The following PARD3 variants were observed in gnomAD, a reference collection of about 807,000 sequenced individuals.
PARD3 encodes par-3 family cell polarity regulator.
Under a neutral mutation model 155.4 loss-of-function variants are expected in PARD3, and 75 were observed. The observed-to-expected ratio is 0.48, with a 90% CI of 0.40 to 0.58. PARD3 has a LOEUF of 0.58. Among genes scored for constraint, PARD3 ranks in the 20% least tolerant of loss-of-function variants. The probability of loss-of-function intolerance (pLI) is 0.00; values close to 1 mark genes in which losing one functional copy is unlikely to be tolerated. For synonymous variants in PARD3, 576 were observed against 610.5 expected, an observed-to-expected ratio of 0.94 and a Z score of 0.83; for missense variants, 1,642 against 1,721.7, an observed-to-expected ratio of 0.95 and a Z score of 0.82.
At chr10:34,746,780 T>C (rs1835385931) in intron 1 of PARD3, among the ~76,000 whole-genome samples, 1 of 152,238 alleles carries the variant, frequency 6.6e-6, no homozygotes, top group African/African-American at 2.4e-5. Flanking sequence ...TATTTGCTTC[T>C]ACTAATAAAT....
intron 20 of PARD3, among the ~76,000 whole-genome samples, chr10:34,292,677 G>C (rs549237467): frequency 6.6e-6 from 1 of 150,830 alleles, no homozygotes; most frequent in African/African-American, 2.4e-5. Context: ...AAATAAATTT[G>C]TATTGCTTGG....
chr10:34,184,698 G>GTA (rs1950408859), intron 22 of PARD3, among the ~76,000 whole-genome samples: 1 of 135,036 alleles, frequency 7.4e-6, no homozygotes, highest in East Asian at 2.2e-4. Flanking sequence ...AGGCCTTTCG[G>GTA]TTTTTTTTTT....
chr10:34,599,824 C>A (rs555459232), intron 2 of PARD3, among the ~76,000 whole-genome samples: 1 of 152,118 alleles, frequency 6.6e-6, no homozygotes, highest in Non-Finnish European at 1.5e-5. Context: ...CATATTAAAG[C>A]CATGTTTTAA....
At chr10:34,491,705 A>G (rs1478127574) in intron 3 of PARD3, among the ~76,000 whole-genome samples, 1 of 152,236 alleles carries the variant, frequency 6.6e-6, no homozygotes, top group Non-Finnish European at 1.5e-5. Flanking sequence ...AGAAAACCAA[A>G]CAAATGCTTG....
At chr10:34,344,082 T>C in intron 15 of PARD3, 1 of 960,182 alleles carries the variant, frequency 1.0e-6, no homozygotes, top group Non-Finnish European at 1.2e-6. Flanking sequence ...ACTACTGAGA[T>C]AAATTCTAAA....
At chr10:34,699,070 A>G (rs1430717400) in intron 1 of PARD3, among the ~76,000 whole-genome samples, 1 of 152,076 alleles carries the variant, frequency 6.6e-6, no homozygotes, top group East Asian at 1.9e-4. Flanking sequence ...TACTCTATAA[A>G]CTTGGCTTGT....
rs1276475435 is a variant in PARD3 at position 34,360,108 on chromosome 10, A to G, written c.1859T>C (p.Phe620Ser). ...SKENHADLGIFVKSIINGGAA... is the reference protein window; with the variant it reads ...SKENHADLGISVKSIINGGAA... ...TCCTCCATTAATAATGGACTTGACA[A>G]AGATTCCCAAATCTGCGTGGTTCTC... The change falls in exon 13 of 25, where the codon TTT (phenylalanine) becomes TCT (serine). Residue 620 changes from phenylalanine (F) to serine (S), a missense_variant. By Grantham distance (155) the Phe-to-Ser change is radical (BLOSUM62 -2). Transcript: ENST00000374788. The G allele has an allele frequency of 6.2e-7, 1 of 1,614,018 alleles. No homozygotes were observed. The highest frequency in any genetic ancestry group is 8.5e-7 in the Non-Finnish European group (1 of 1,179,994).
At chr10:34,333,138 T>A (rs1383872154) in intron 18 of PARD3, among the ~76,000 whole-genome samples, 2 of 152,102 alleles carry the variant, frequency 1.3e-5, no homozygotes, top group Admixed American at 1.3e-4. Context: ...ATTAAGGATA[T>A]GTGTATGTGT....
At chr10:34,588,195 T>C (rs1202587552) in intron 2 of PARD3, among the ~76,000 whole-genome samples, 3 of 152,224 alleles carry the variant, frequency 2.0e-5, no homozygotes, top group Non-Finnish European at 4.4e-5. Context: ...AGTCATGAGA[T>C]GTTTTGTTCT....
intron 22 of PARD3, among the ~76,000 whole-genome samples, chr10:34,214,322 G>T (rs1951897623): frequency 6.6e-6 from 1 of 152,124 alleles, no homozygotes; most frequent in South Asian, 2.1e-4. Context: ...TAATGTTATT[G>T]CCATTATTAG....
chr10:34,717,026 A>G (rs1039286778), intron 1 of PARD3, among the ~76,000 whole-genome samples: 4 of 152,026 alleles, frequency 2.6e-5, no homozygotes, highest in Admixed American at 2.6e-4. Flanking sequence ...AGATAACACC[A>G]CTTCTTCCAG....
At chr10:34,381,887 T>C (rs1394757825) in intron 9 of PARD3, among the ~76,000 whole-genome samples, 2 of 107,758 alleles carry the variant, frequency 1.9e-5, no homozygotes, top group African/African-American at 4.0e-5. Flanking sequence ...CACTGTAGCC[T>C]GGGCAACAAA....
chr10:34,416,652 A>G lies in PARD3; in HGVS notation c.715-14735T>C, dbSNP rs191649005. Among the ~76,000 whole-genome samples the G allele has an allele frequency of 3.3e-5, 5 of 152,300 alleles. No individual in the cohort carries two copies. The East Asian group carries it at 9.6e-4, about 29-fold the overall frequency. On this transcript the variant is annotated intron_variant, in intron 5 of 24. Transcript: ENST00000374788. Reference sequence around the variant, plus strand: ...TAAGAGAACAACCTGATGTAAAATGAAAATGAAAACCTAGCCAGACACTGC... The same window carrying G: ...TAAGAGAACAACCTGATGTAAAATGGAAATGAAAACCTAGCCAGACACTGC...
intron 22 of PARD3, among the ~76,000 whole-genome samples, chr10:34,140,301 A>C (rs1948117856): frequency 6.6e-6 from 1 of 152,196 alleles, no homozygotes; most frequent in South Asian, 2.1e-4. Flanking sequence ...AATTTTAATG[A>C]TGAGCAGTAT....
intron 22 of PARD3, among the ~76,000 whole-genome samples, chr10:34,163,810 G>A (rs1021868543): frequency 6.6e-6 from 1 of 152,176 alleles, no homozygotes. Flanking sequence ...AATCCAGGAT[G>A]TTTTACAGCA....
chr10:34,324,577 A>ACCT (rs1252613634), intron 19 of PARD3, among the ~76,000 whole-genome samples: 2 of 152,164 alleles, frequency 1.3e-5, no homozygotes, highest in Admixed American at 6.5e-5. Context: ...ACATCTAGAG[A>ACCT]CAGGAGGCCC....
intron 4 of PARD3, among the ~76,000 whole-genome samples, chr10:34,455,971 T>C (rs964603768): frequency 6.6e-6 from 1 of 152,222 alleles, no homozygotes; most frequent in Non-Finnish European, 1.5e-5. Context: ...CATGTATACA[T>C]CTTACTTTTC....
Position 34,517,045 on chromosome 10 carries a change from C to A in PARD3, c.337G>T (p.Val113Phe), listed in dbSNP as rs781130121. 1 of 1,614,200 alleles carries A rather than the reference C, an allele frequency of 6.2e-7. No individual in the cohort carries two copies. Reference sequence around the variant, plus strand: ...GCTTGGTAAGGCTGAAAGGCTGAGACATTGTTGGTGCCAAGCTCACTACCA... The same window carrying A: ...GCTTGGTAAGGCTGAAAGGCTGAGAAATTGTTGGTGCCAAGCTCACTACCA... ...IFGSELGTNN[V>F]SAFQPYQATS... The change falls in exon 3 of 25, where the codon GTC becomes TTC. Residue 113 changes from valine to phenylalanine, a missense_variant. Around this residue, in one of 3 missense-constraint regions of PARD3, gnomAD observed 1,529 missense variants for 1,587.3 expected, o/e 0.96. Transcript: ENST00000374788.
chr10:34,263,472 C>G (rs956331688), intron 22 of PARD3, among the ~76,000 whole-genome samples: 10 of 151,888 alleles, frequency 6.6e-5, no homozygotes, highest in African/African-American at 2.4e-4. Context: ...GCCTGGGCAA[C>G]ATAGTGAGAC....
Sources: gnomAD v4.1 joint callset for allele counts (sites outside exome capture counted in the v4.1 genomes callset) on GRCh38, gnomAD v4.1.1 for gene constraint, gnomAD v4.1.1 regional missense constraint, MANE v1.5 for transcripts, NCBI Gene and HGNC (gene_info 2026-07-23, HGNC 2026-07-21) for gene names.